Variants in SSX2IP observed in about 807,000 individuals in gnomAD.
SSX2IP encodes the protein afadin- and alpha-actinin-binding protein.
Under a neutral mutation model 84.9 loss-of-function variants are expected in SSX2IP, and 55 were observed. The ratio of observed to expected loss-of-function variants is 0.65; its 90% CI spans 0.52 to 0.81. The LOEUF (loss-of-function observed/expected upper bound fraction) is 0.81. SSX2IP is among the 30% of genes least tolerant of loss of function. The pLI, the probability that SSX2IP is intolerant of heterozygous loss-of-function variation, is 0.00. For missense variants in SSX2IP, 664 were observed against 705.2 expected (o/e 0.94, Z 0.66); for synonymous variants, 239 against 234.7 (o/e 1.02, Z -0.17).
chr1:84,675,693 T>C (rs541563828), intron 1 of SSX2IP, among the ~76,000 whole-genome samples: 6 of 152,218 alleles, frequency 3.9e-5, no homozygotes, highest in Non-Finnish European at 8.8e-5. Flanking sequence ...GCACATCTGA[T>C]TGCTTCCTAT....
At chr1:84,654,836 A>C (rs537812543) in intron 11 of SSX2IP, among the ~76,000 whole-genome samples, 1 of 152,318 alleles carries the variant, frequency 6.6e-6, no homozygotes, top group Admixed American at 6.5e-5. Flanking sequence ...TTAGAGGACA[A>C]ACTATGAATG....
At chr1:84,675,191 C>A (rs1654150844) in intron 1 of SSX2IP, among the ~76,000 whole-genome samples, 1 of 152,196 alleles carries the variant, frequency 6.6e-6, no homozygotes, top group East Asian at 1.9e-4. Context: ...AGTGCAGGAA[C>A]ACACGTTCAT....
Position 84,662,210 on chromosome 1 carries a change from A to G in SSX2IP, c.915T>C (p.Asp305=). ...QKKKPRERVD[D]STGTVISDVE... is the part of the protein sequence containing the mutation. ...AAGAGCCACTTACAGTTCCTGTACT[A>G]TCATCTACTCTTTCTCTAGGTTTCT... The change falls in exon 8 of 14, where the codon GAT becomes GAC. Residue 305 remains aspartate (D), a synonymous_variant. Coordinates refer to ENST00000342203, the MANE Select transcript of SSX2IP (RefSeq NM_001166293.2). 1 of 1,589,970 alleles carries G rather than the reference A, an allele frequency of 6.3e-7. No homozygotes were observed. Among genetic ancestry groups the G allele is most frequent in the Non-Finnish European group, 8.5e-7 (1 of 1,171,250 alleles).
chr1:84,669,637 A>C (rs758606867), intron 4 of SSX2IP, 44 bp downstream of exon 4: 1 of 1,460,908 alleles, frequency 6.8e-7, no homozygotes, highest in Non-Finnish European at 9.6e-7. Flanking sequence ...TATAGTACTC[A>C]ATTATATAAT....
Position 84,670,724 on chromosome 1 carries a change from T to C in SSX2IP, c.135A>G (p.Leu45=), listed in dbSNP as rs1478513277. 1.2e-6 allele frequency: 2 copies of C among 1,613,232 alleles called. No individual in the cohort carries two copies. The highest frequency in any genetic ancestry group is 1.1e-5 in the South Asian group (1 of 91,020). The part of the protein sequence containing the change: ...SQQVLCSSIP[L]SKNVHSFFSA... Reference sequence around the variant, plus strand: ...TGAAAAAACTGTGCACATTTTTCGATAAAGGTATTGAAGAACATAGCACTT... The same window carrying C: ...TGAAAAAACTGTGCACATTTTTCGACAAAGGTATTGAAGAACATAGCACTT... The change falls in exon 3 of 14, where the codon TTA becomes TTG. Residue 45 remains leucine (L), a synonymous_variant. Transcript: ENST00000342203.
intron 1 of SSX2IP, among the ~76,000 whole-genome samples, chr1:84,674,055 C>T (rs183370135): frequency 1.3e-3 from 199 of 152,294 alleles, no homozygotes; most frequent in Non-Finnish European, 2.5e-3. Flanking sequence ...CTGAGATAAT[C>T]ACTATAAGTA....
At chr1:84,684,638 C>T (rs1351726941) in intron 1 of SSX2IP, among the ~76,000 whole-genome samples, 2 of 152,144 alleles carry the variant, frequency 1.3e-5, no homozygotes, top group African/African-American at 4.8e-5. Flanking sequence ...CTCTTGCCTA[C>T]GTATGCCAGG....
intron 8 of SSX2IP, among the ~76,000 whole-genome samples, chr1:84,660,197 A>G (rs1297273980): frequency 6.6e-6 from 1 of 152,186 alleles, no homozygotes; most frequent in Non-Finnish European, 1.5e-5. Context: ...AGAAAAATGG[A>G]TCTTTTAAAA....
rs536988390 is a variant in SSX2IP at position 84,664,011 on chromosome 1, T to C, written c.673+406A>G. 2.6e-5 allele frequency among the ~76,000 whole-genome samples: 4 copies of C among 152,314 alleles called. No homozygotes were observed. The East Asian group carries it at 5.8e-4, about 22-fold the overall frequency. On this transcript the variant is annotated intron_variant, in intron 6 of 13. Coordinates refer to ENST00000342203, the MANE Select transcript of SSX2IP (RefSeq NM_001166293.2). ...CTCCAAAAATGTACAGCTAAACTTA[T>C]TTAAAGGAACTCAAACTGACATGAA...
At chr1:84,664,694 T>C (rs191565774) in intron 5 of SSX2IP, 142 bp from the exon 6 acceptor site, 13 of 624,506 alleles carry the variant, frequency 2.1e-5, no homozygotes, top group Non-Finnish European at 2.9e-5. Context: ...ACCACTTTTT[T>C]AAATATTATA....
At chr1:84,668,754 T>C (rs1653102473) in intron 4 of SSX2IP, among the ~76,000 whole-genome samples, 1 of 147,268 alleles carries the variant, frequency 6.8e-6, no homozygotes, top group Admixed American at 6.7e-5. Context: ...TCTGAGTGGG[T>C]TTTTTTTATT....
In SSX2IP at chr1:84,686,760, A is replaced by C. The variant is rs900600229; in HGVS notation, c.-90+3611T>G. Among the ~76,000 whole-genome samples the C allele has an allele frequency of 1.3e-4, 20 of 152,240 alleles. 1 individual carries two copies. Among genetic ancestry groups the C allele is most frequent in the Middle Eastern group, 3.2e-3 (1 of 316 alleles). On this transcript the variant is annotated intron_variant, in intron 1 of 13. Coordinates refer to ENST00000342203, the MANE Select transcript of SSX2IP (RefSeq NM_001166293.2). ...TTAAAGAGAAAGGGTGATACACAGC[A>C]GCAAATGCCATAGAATGGGCAGGTT...
chr1:84,674,400 A>G (rs1039463054), intron 1 of SSX2IP, among the ~76,000 whole-genome samples: 1 of 152,222 alleles, frequency 6.6e-6, no homozygotes, highest in African/African-American at 2.4e-5. Context: ...CATATTCTTA[A>G]ATGATCTAGA....
chr1:84,651,821 G>C (rs888266864), intron 12 of SSX2IP, 62 bp downstream of exon 12: 31 of 985,122 alleles, frequency 3.1e-5, no homozygotes, highest in Non-Finnish European at 4.6e-5. Flanking sequence ...GTAGTATTTT[G>C]TAATATGTAA....
intron 13 of SSX2IP, chr1:84,649,917 C>A: frequency 1.9e-6 from 1 of 534,174 alleles, no homozygotes; most frequent in Non-Finnish European, 3.7e-6. Context: ...CTTTTTCACT[C>A]AACAGGAACA....
rs1217332189 is a variant in SSX2IP at position 84,664,416 on chromosome 1, C to T, written c.673+1G>A. 1.9e-6 allele frequency: 3 copies of T among 1,573,756 alleles called. No individual in the cohort carries two copies. Among genetic ancestry groups the T allele is most frequent in the African/African-American group, 2.8e-5 (2 of 72,044 alleles). Reference sequence around the variant, plus strand: ...TTAGCTGATCTTTGCCAGCTGTTTACCTATTTTCTTATCTTTCTTGTTCAT... The same window carrying T: ...TTAGCTGATCTTTGCCAGCTGTTTATCTATTTTCTTATCTTTCTTGTTCAT... On this transcript the variant is annotated splice_donor_variant, in intron 6 of 13. Coordinates refer to ENST00000342203, the MANE Select transcript of SSX2IP (RefSeq NM_001166293.2). LOFTEE classifies it high-confidence loss of function.
At chr1:84,665,020 T>C (rs1652567695) in intron 5 of SSX2IP, among the ~76,000 whole-genome samples, 1 of 151,904 alleles carries the variant, frequency 6.6e-6, no homozygotes. Flanking sequence ...CGAGTAAGAG[T>C]AAGTCCAAAC....
At chr1:84,653,021 G>C (rs896645714) in intron 11 of SSX2IP, among the ~76,000 whole-genome samples, 3 of 151,750 alleles carry the variant, frequency 2.0e-5, no homozygotes, top group African/African-American at 7.3e-5. Flanking sequence ...AACAGAGTGA[G>C]ACTCCATCTC....
chr1:84,655,734 ATAAG>A (rs1285584283), intron 11 of SSX2IP, 94 bp downstream of exon 11: 1 of 1,449,802 alleles, frequency 6.9e-7, no homozygotes, highest in Admixed American at 2.5e-5. Flanking sequence ...ATTTTAGAAA[ATAAG>A]TAAATAGCAA....
Sources: gnomAD v4.1 joint callset for allele counts (sites outside exome capture counted in the v4.1 genomes callset) on GRCh38, gnomAD v4.1.1 for gene constraint, MANE v1.5 for transcripts, NCBI Gene and HGNC (gene_info 2026-07-23, HGNC 2026-07-21) for gene names.